The following CFAP43 variants were observed in gnomAD, a reference collection of about 807,000 sequenced individuals.
CFAP43 encodes the protein cilia- and flagella-associated protein 43.
CFAP43 carries 155 observed loss-of-function variants against 218.9 expected under a neutral mutation model. The observed-to-expected ratio is 0.71, with a 90% CI of 0.62 to 0.81. CFAP43 has a LOEUF of 0.81. Ranked by LOEUF, CFAP43 falls within the 30% of genes least tolerant of loss-of-function variation. The pLI is 0.00. For synonymous variants in CFAP43, 645 were observed against 681.3 expected (o/e 0.95, Z 0.83); for missense variants, 1,778 against 1,954.3 (o/e 0.91, Z 1.70).
intron 3 of CFAP43, among the ~76,000 whole-genome samples, chr10:104,218,278 G>A (rs1489483763): frequency 6.7e-6 from 1 of 148,540 alleles, no homozygotes; most frequent in African/African-American, 2.5e-5. Flanking sequence ...AACCCGGGAG[G>A]CAGAGGTTGC....
In CFAP43 at chr10:104,173,670, C is replaced by T. The variant is rs530225834; in HGVS notation, c.2461-1135G>A. On this transcript the variant is annotated intron_variant, in intron 19 of 37. Transcript: ENST00000357060. ...AAAGAATAGAGAACCACCCCCACCA[C>T]ACAATGGGATGCCAAGACACTTCCC... Among the ~76,000 whole-genome samples, 314 of 152,344 alleles carry T rather than the reference C, an allele frequency of 2.1e-3. 2 individuals carry two copies. The highest frequency in any genetic ancestry group is 5.0e-3 in the Admixed American group (76 of 15,300).
At chr10:104,198,087 T>C (rs1177947414) in intron 8 of CFAP43, 49 bp from the exon 9 acceptor site, 3 of 1,121,002 alleles carry the variant, frequency 2.7e-6, no homozygotes, top group Admixed American at 4.0e-5. Context: ...GTTGTGTATA[T>C]AGTTCAACAA....
intron 37 of CFAP43, among the ~76,000 whole-genome samples, 153 bp downstream of exon 37, chr10:104,131,178 T>G (rs2087173313): frequency 6.6e-6 from 1 of 152,180 alleles, no homozygotes; most frequent in African/African-American, 2.4e-5. Flanking sequence ...CTTGTACATG[T>G]ACTCCCTGAA....
At chr10:104,185,170 GA>G in intron 15 of CFAP43, 24 bp from the exon 16 acceptor site, 1 of 1,612,094 alleles carries the variant, frequency 6.2e-7, no homozygotes, top group Middle Eastern at 1.7e-4. Flanking sequence ...AAATAAACCA[GA>G]AAAATTACAA....
chr10:104,189,395 C>A (rs2134901953), intron 12 of CFAP43, among the ~76,000 whole-genome samples: 1 of 152,308 alleles, frequency 6.6e-6, no homozygotes, highest in Non-Finnish European at 1.5e-5. Context: ...ACTTAATTTT[C>A]TTACCTCTAT....
chr10:104,198,133 T>C lies in CFAP43; in HGVS notation c.1096-95A>G, dbSNP rs933062511. ...AATGCCTACTGTAACCAAGGCTCTATGTGGAAACAGAATATGGGAAATCAC... is the reference window on the plus strand; with the variant it reads ...AATGCCTACTGTAACCAAGGCTCTACGTGGAAACAGAATATGGGAAATCAC... On this transcript the variant is annotated intron_variant, in intron 8 of 37. Transcript: ENST00000357060. 7 of 703,092 alleles carry C rather than the reference T, an allele frequency of 1.0e-5. No individual in the cohort carries two copies. In the African/African-American group the frequency reaches 1.3e-4, roughly 13 times the overall value. The allele number at this position is 703,092 out of a possible 1,614,324, so 43.6% of individuals were successfully genotyped here. A position where few individuals can be genotyped will look rare whatever the true frequency, so the allele number is the denominator to read the frequency against.
rs148415626 is a variant in CFAP43, at chr10:104,163,749, CT to C, written c.3246+344del. Among the ~76,000 whole-genome samples, 49 of 152,334 alleles carry C rather than the reference CT, an allele frequency of 3.2e-4. No individual in the cohort carries two copies. In the East Asian group the frequency reaches 8.5e-3, roughly 26 times the overall value. ...AAGAGATTCTAATTCAGACCAGCTA[CT>C]TTCTCATGTGGAGGAGATACAAAGT... is the stretch of plus-strand genomic sequence containing the variant. On this transcript the variant is annotated intron_variant, in intron 24 of 37. Transcript: ENST00000357060.
intron 31 of CFAP43, 122 bp from the exon 32 acceptor site, chr10:104,143,761 G>C: frequency 1.1e-6 from 1 of 932,558 alleles, no homozygotes; most frequent in Non-Finnish European, 1.6e-6. Flanking sequence ...CCATGTGATG[G>C]CTGGTAGGTG....
At chr10:104,156,283 GA>G (rs554664677) in intron 27 of CFAP43, among the ~76,000 whole-genome samples, 363 of 151,870 alleles carry the variant, frequency 2.4e-3, no homozygotes, top group African/African-American at 8.1e-3. Flanking sequence ...ACAGAAAGGG[GA>G]AAAAAAGAAT....
intron 3 of CFAP43, among the ~76,000 whole-genome samples, chr10:104,215,183 G>T (rs1043170978): frequency 3.3e-4 from 48 of 144,416 alleles, no homozygotes; most frequent in Admixed American, 2.9e-3. Context: ...AAATAAAGTG[G>T]TGTATTTTAA....
chr10:104,152,518 A>C, intron 28 of CFAP43, 89 bp downstream of exon 28: 1 of 1,561,676 alleles, frequency 6.4e-7, no homozygotes, highest in Non-Finnish European at 8.7e-7. Flanking sequence ...AGATCTTAGT[A>C]CCTGGTAAGG....
chr10:104,230,559 T>C (rs762535095), intron 2 of CFAP43, 31 bp downstream of exon 2: 3 of 1,591,814 alleles, frequency 1.9e-6, no homozygotes, highest in Non-Finnish European at 1.7e-6. Flanking sequence ...AATCCTTCAA[T>C]TATGGGCAGA....
At chr10:104,176,826 CCTT>C (rs139403230) in intron 19 of CFAP43, among the ~76,000 whole-genome samples, 4,004 of 152,276 alleles carry the variant, frequency 0.026, 104 homozygotes, top group East Asian at 0.091. Flanking sequence ...AATGAAATAA[CCTT>C]CTCATCACTG....
At chr10:104,177,019 A>G (rs2089654095) in intron 19 of CFAP43, among the ~76,000 whole-genome samples, 1 of 152,194 alleles carries the variant, frequency 6.6e-6, no homozygotes, top group Admixed American at 6.5e-5. Context: ...AAATACAAAT[A>G]GTGTTTAGAG....
chr10:104,140,730 T>C (rs1418840614), intron 34 of CFAP43, 112 bp downstream of exon 34: 2 of 775,010 alleles, frequency 2.6e-6, no homozygotes, highest in African/African-American at 3.6e-5. Flanking sequence ...GGAGGATCTA[T>C]TGAGCCTAGC....
In CFAP43 at chr10:104,196,992, T is replaced by C. The variant is rs577558118; in HGVS notation, c.1213-59A>G. 4.6e-5 allele frequency: 63 copies of C among 1,358,062 alleles called. No individual in the cohort carries two copies. In the Admixed American group the frequency reaches 1.2e-3, roughly 25 times the overall value. 84.1% of individuals were successfully genotyped at this position (1,358,062 alleles called of 1,614,324 possible). On this transcript the variant is annotated intron_variant, in intron 9 of 37. Coordinates refer to ENST00000357060, the MANE Select transcript of CFAP43 (RefSeq NM_025145.7). ...AAAATAAGACTTTCCTATGGAAGCA[T>C]GTTCTACCTCCCTTTCCAGTGTGCC... is the stretch of plus-strand genomic sequence containing the variant.
At chr10:104,166,060 T>C (rs1183487788) in intron 23 of CFAP43, among the ~76,000 whole-genome samples, 1 of 152,176 alleles carries the variant, frequency 6.6e-6, no homozygotes, top group Non-Finnish European at 1.5e-5. Context: ...CCTCTATGTA[T>C]TGTTATTTAT....
intron 12 of CFAP43, among the ~76,000 whole-genome samples, chr10:104,190,985 T>C (rs1351038976): frequency 6.6e-6 from 1 of 152,240 alleles, no homozygotes; most frequent in Non-Finnish European, 1.5e-5. Flanking sequence ...GGTGGAGACA[T>C]GCTGAGGGCT....
chr10:104,165,225 T>C (rs2089092751), intron 23 of CFAP43, among the ~76,000 whole-genome samples: 1 of 152,182 alleles, frequency 6.6e-6, no homozygotes, highest in Admixed American at 6.5e-5. Flanking sequence ...GATGGGTCAA[T>C]CCAAAGTGGC....
Sources: allele counts gnomAD v4.1 joint callset (sites outside exome capture counted in the v4.1 genomes callset), GRCh38; gene constraint gnomAD v4.1.1; transcripts MANE v1.5; gene names NCBI Gene and HGNC (gene_info 2026-07-23, HGNC 2026-07-21).